The following AHNAK2 variants were observed in gnomAD, a reference collection of about 807,000 sequenced individuals.
AHNAK2 encodes AHNAK nucleoprotein 2, also known as protein AHNAK2.
A neutral mutation model predicts 30.7 loss-of-function variants in AHNAK2; 18 were observed. The ratio of observed to expected loss-of-function variants is 0.59; its 90% CI spans 0.41 to 0.87. AHNAK2 has a LOEUF of 0.87. Among genes scored for constraint, AHNAK2 ranks in the 40% least tolerant of loss-of-function variants. The pLI is 0.00. For synonymous variants in AHNAK2, 3,590 were observed against 3,073.8 expected (o/e 1.17, Z -5.56); for missense variants, 8,604 against 7,373.0 (o/e 1.17, Z -6.11).
At position 104,954,437 on chromosome 14, in the gene AHNAK2, C is replaced by A; in HGVS notation, c.1014G>T (p.Ser338=). Residue 338 remains serine, a synonymous_variant, in exon 7 of 7, where the codon TCG becomes TCT. Transcript: ENST00000333244. This position sits in a 1 kb window ranked among gnomAD's most constrained non-coding sequence, Gnocchi z 4.3. Reference sequence around the variant, plus strand: ...GGAACCCCCTGCCTGGCTGTCCTGTCGATGAAGGGCCCTGTCCCGAGCCTG... The same window carrying A: ...GGAACCCCCTGCCTGGCTGTCCTGTAGATGAAGGGCCCTGTCCCGAGCCTG... ...FRTGSGQGPS[S]TGQPGRGFQS... is the part of the protein sequence containing the mutation. 3 of 1,612,548 alleles carry A rather than the reference C, an allele frequency of 1.9e-6. No homozygotes were observed. The highest frequency in any genetic ancestry group is 2.5e-6 in the Non-Finnish European group (3 of 1,179,488).
intron 5 of AHNAK2, 97 bp from the exon 6 acceptor site, chr14:104,955,238 T>C: frequency 7.1e-7 from 1 of 1,415,776 alleles, no homozygotes; most frequent in Non-Finnish European, 9.5e-7. Flanking sequence ...GGGACATGAA[T>C]AGGGGGAATC....
At chr14:104,973,278 G>A (rs551486614) in intron 1 of AHNAK2, among the ~76,000 whole-genome samples, 7 of 152,338 alleles carry the variant, frequency 4.6e-5, no homozygotes, top group South Asian at 2.1e-4. Context: ...GCTAGGAGTC[G>A]CCATGGGAAC....
In AHNAK2 at chr14:104,964,319, G is replaced by T. The variant is rs115530451; in HGVS notation, c.56-6647C>A. Among the ~76,000 whole-genome samples, 651 of 152,256 alleles carry T rather than the reference G, an allele frequency of 4.3e-3. 10 individuals are homozygous for T. Among genetic ancestry groups the T allele is most frequent in the African/African-American group, 0.015 (630 of 41,560 alleles). On this transcript the variant is annotated intron_variant, in intron 1 of 6. Coordinates refer to ENST00000333244, the MANE Select transcript of AHNAK2 (RefSeq NM_138420.4). ...ATGCTCCCAGGAGAATGGCTGAAAT[G>T]GAAAAGTCGAGGCAGACCACCTGGA...
In AHNAK2 at chr14:104,956,648, T is replaced by A. The variant is rs1251387645; in HGVS notation, c.255A>T (p.Arg85Ser). The stretch of plus-strand genomic sequence containing the variant: ...CCCCTGAATCTCGCTTCCACCAGGA[T>A]CTCCGTCTCCCAGCAGAACCTTGCC... ...PGRQGSAGRRRSWWKRDSGDS... is the reference protein window; with the variant it reads ...PGRQGSAGRRSSWWKRDSGDS... Residue 85 changes from arginine (R) to serine (S), a missense_variant, in exon 4 of 7, where the codon AGA becomes AGT. Physicochemically the swap from Arg to Ser is moderately radical, Grantham distance 110. Transcript: ENST00000333244. 9 of 1,613,846 alleles carry A rather than the reference T, an allele frequency of 5.6e-6. No homozygotes were observed. The highest frequency in any genetic ancestry group is 1.3e-5 in the African/African-American group (1 of 75,046).
In AHNAK2 at chr14:104,938,890, A is replaced by G. The variant is rs1161407049; in HGVS notation, c.16561T>C (p.Leu5521=). 1.2e-6 allele frequency: 2 copies of G among 1,613,622 alleles called. No homozygotes were observed. The highest frequency in any genetic ancestry group is 1.7e-6 in the Non-Finnish European group (2 of 1,179,876). ...IQTPSYGFSL[L]KVKIPEPHTQ... is the part of the protein sequence containing the mutation. ...TGGGGCTCTGGGATTTTCACTTTTA[A>G]TAAGGAAAATCCGTACGAAGGTGTT... Residue 5521 remains leucine (L), a synonymous_variant, in exon 7 of 7, where the codon TTA becomes CTA. Coordinates refer to ENST00000333244, the MANE Select transcript of AHNAK2 (RefSeq NM_138420.4).
intron 1 of AHNAK2, among the ~76,000 whole-genome samples, chr14:104,962,066 A>G (rs1899163064): frequency 6.6e-6 from 1 of 152,236 alleles, no homozygotes; most frequent in African/African-American, 2.4e-5. Flanking sequence ...ATCCACAATT[A>G]TTATACAATA....
Position 104,951,911 on chromosome 14 carries a change from C to T in AHNAK2, c.3540G>A (p.Lys1180=). ...MPSFGASAPG[K]SIEASVDVSA... ...ACACATCCACCGAGGCCTCGATGGA[C>T]TTGCCTGGGGCTGACGCCCCGAACG... Residue 1180 remains lysine, a synonymous_variant, in exon 7 of 7, where the codon AAG becomes AAA. Transcript: ENST00000333244. The T allele has an allele frequency of 6.2e-7, 1 of 1,610,274 alleles. No homozygotes were observed. Among genetic ancestry groups the T allele is most frequent in the South Asian group, 1.1e-5 (1 of 90,684 alleles).
rs1469720781 is a variant in AHNAK2, at chr14:104,937,895, G to A, written c.*168C>T. The A allele has an allele frequency of 1.5e-6, 1 of 668,656 alleles. No homozygotes were observed. The highest frequency in any genetic ancestry group is 2.3e-6 in the Non-Finnish European group (1 of 432,652). 41.4% of individuals were successfully genotyped at this position (668,656 alleles called of 1,614,324 possible). A position where few individuals can be genotyped will look rare whatever the true frequency, so the allele number is the denominator to read the frequency against. On this transcript the variant is annotated 3_prime_UTR_variant, in exon 7 of 7. Transcript: ENST00000333244. ...GGAAGCTTTGGTTCCATTTTAGGAG[G>A]GCTGTGTGATGGTGACAAAGGTGTT...
rs1389801706 is a variant in AHNAK2 at position 104,952,110 on chromosome 14, T to A, written c.3341A>T (p.Lys1114Met). 2 of 1,612,542 alleles carry A rather than the reference T, an allele frequency of 1.2e-6. No individual in the cohort carries two copies. Among genetic ancestry groups the A allele is most frequent in the East Asian group, 2.2e-5 (1 of 44,818 alleles). Reference protein sequence around the residue: ...KGPKLDLKSPKAEVTAPDVEV... With the variant: ...KGPKLDLKSPMAEVTAPDVEV... ...CACATCAGGGGCTGTGACTTCCGCC[T>A]TGGGGCTTTTCAGGTCCAGCTTGGG... Residue 1114 changes from lysine to methionine, a missense_variant, in exon 7 of 7, where the codon AAG becomes ATG. Lys to Met is a moderately conservative substitution (Grantham distance 95). Transcript: ENST00000333244.
At position 104,938,796 on chromosome 14, in the gene AHNAK2, G is replaced by C. The variant is rs1566894388; in HGVS notation, c.16655C>G (p.Pro5552Arg). ...SRTQEGTEEA[P>R]IQATPGVDSI... ...GTCTACTCCTGGGGTGGCTTGTATGGGAGCCTCTTCTGTGCCCTCCTGAGT... is the reference window on the plus strand; with the variant it reads ...GTCTACTCCTGGGGTGGCTTGTATGCGAGCCTCTTCTGTGCCCTCCTGAGT... Residue 5552 changes from proline (P) to arginine (R), a missense_variant, in exon 7 of 7, where the codon CCC becomes CGC. By Grantham distance (103) the Pro-to-Arg change is moderately radical. Coordinates refer to ENST00000333244, the MANE Select transcript of AHNAK2 (RefSeq NM_138420.4). 6.2e-7 allele frequency: 1 copy of C among 1,613,938 alleles called. No individual in the cohort carries two copies. Among genetic ancestry groups the C allele is most frequent in the Middle Eastern group, 1.7e-4 (1 of 6,060 alleles).
rs144545959 is a variant in AHNAK2 at position 104,945,005 on chromosome 14, G to C, written c.10446C>G (p.Ser3482=). 4.0e-4 allele frequency: 647 copies of C among 1,609,718 alleles called. 2 individuals are homozygous for C. Among genetic ancestry groups the C allele is most frequent in the East Asian group, 3.7e-3 (163 of 44,430 alleles). ...KFKMPKFKMP[S]FGVSAPGRSI... ...ACCTGCCTGGGGCCGACACCCCGAA[G>C]GAGGGCATCTTGAACTTGGGCATTT... Residue 3482 remains serine (S), a synonymous_variant, in exon 7 of 7, where the codon TCC becomes TCG. Coordinates refer to ENST00000333244, the MANE Select transcript of AHNAK2 (RefSeq NM_138420.4).
chr14:104,958,256 C>T (rs1899038059), intron 1 of AHNAK2, among the ~76,000 whole-genome samples: 1 of 152,110 alleles, frequency 6.6e-6, no homozygotes, highest in African/African-American at 2.4e-5. Context: ...CGAGACCAGC[C>T]TCACCAACAT....
rs1004217130 is a variant in AHNAK2, at chr14:104,978,276, G to A, written c.-39C>T. On this transcript the variant is annotated 5_prime_UTR_variant, in exon 1 of 7. The change creates a new upstream start codon in the 5' untranslated region. Coordinates refer to ENST00000333244, the MANE Select transcript of AHNAK2 (RefSeq NM_138420.4). ...CGGTGCGGGCCTGGCGGCCCGTCGC[G>A]TCCAGTCGCTGGTCCCGGCTCCGGC... 5.3e-6 allele frequency: 6 copies of A among 1,127,946 alleles called. No homozygotes were observed. In the African/African-American group the frequency reaches 9.9e-5, roughly 19 times the overall value. 69.9% of individuals were successfully genotyped at this position (1,127,946 alleles called of 1,614,324 possible).
At position 104,940,002 on chromosome 14, in the gene AHNAK2, C is replaced by G. The variant is rs566086148; in HGVS notation, c.15449G>C (p.Gly5150Ala). ...DVPVSQPCGEGIAPTPEDPLQ... is the reference protein window; with the variant it reads ...DVPVSQPCGEAIAPTPEDPLQ... The stretch of plus-strand genomic sequence containing the variant: ...GGGATCTTCAGGTGTGGGGGCTATC[C>G]CCTCCCCACAAGGCTGGCTCACTGG... The change falls in exon 7 of 7, where the codon GGG (glycine) becomes GCG (alanine). Residue 5150 changes from glycine to alanine, a missense_variant. By Grantham distance (60) the Gly-to-Ala change is moderately conservative (BLOSUM62 0). Coordinates refer to ENST00000333244, the MANE Select transcript of AHNAK2 (RefSeq NM_138420.4). The surrounding 1 kb of genome is among the most constrained non-coding windows in gnomAD (Gnocchi z 4.4). The G allele has an allele frequency of 2.4e-5, 39 of 1,612,630 alleles. No homozygotes were observed. The East Asian group carries it at 8.2e-4, about 34-fold the overall frequency.
chr14:104,942,434 C>A lies in AHNAK2; in HGVS notation c.13017G>T (p.Gly4339=), dbSNP rs768885977. The change falls in exon 7 of 7, where the codon GGG becomes GGT. Residue 4339 remains glycine, a synonymous_variant. Transcript: ENST00000333244. ...EADVSLPSMQ[G]DLKTTHLSIQ... The stretch of plus-strand genomic sequence containing the variant: ...TGCTGAGGTGAGTGGTCTTCAGGTC[C>A]CCCTGCATGGAGGGGAGGCTCACGT... 18 of 1,612,928 alleles carry A rather than the reference C, an allele frequency of 1.1e-5. No homozygotes were observed. The Admixed American group carries it at 1.5e-4, about 13-fold the overall frequency.
At position 104,950,053 on chromosome 14, in the gene AHNAK2, G is replaced by A. The variant is rs777152578; in HGVS notation, c.5398C>T (p.Leu1800=). ...TCACCCTCCAGCCGCACACTGTCCA[G>A]CTTGGCTCCTGGAGCCTCGACGTCC... is the stretch of plus-strand genomic sequence containing the variant. ...EVDVEAPGAK[L]DSVRLEGDLS... is the part of the protein sequence containing the mutation. The change falls in exon 7 of 7, where the codon CTG becomes TTG. Residue 1800 remains leucine, a synonymous_variant. Transcript: ENST00000333244. The A allele has an allele frequency of 1.0e-5, 16 of 1,586,546 alleles. 3 individuals are homozygous for A. The highest frequency in any genetic ancestry group is 3.3e-5 in the South Asian group (3 of 89,998).
rs1595424035 is a variant in AHNAK2 at position 104,955,283 on chromosome 14, G to T, written c.467-142C>A. On this transcript the variant is annotated intron_variant, in intron 5 of 6. Coordinates refer to ENST00000333244, the MANE Select transcript of AHNAK2 (RefSeq NM_138420.4). ...CTGCCCCACCAGTCCCCCACTGAGTGCCTCAGGCACAGGCAAGGTGGATGG... is the reference window on the plus strand; with the variant it reads ...CTGCCCCACCAGTCCCCCACTGAGTTCCTCAGGCACAGGCAAGGTGGATGG... 1.5e-5 allele frequency: 19 copies of T among 1,275,914 alleles called. No individual in the cohort carries two copies. The East Asian group carries it at 3.8e-4, about 26-fold the overall frequency. 79.0% of individuals were successfully genotyped at this position (1,275,914 alleles called of 1,614,324 possible).
At position 104,955,467 on chromosome 14, in the gene AHNAK2, G is replaced by A; in HGVS notation, c.466+16C>T. ...TGGGGAGAATGGTGACCCCAGGGAT[G>A]GAACTGCCATGGCACCTTCTCTCAA... is the stretch of plus-strand genomic sequence containing the variant. On this transcript the variant is annotated intron_variant, in intron 5 of 6. Transcript: ENST00000333244. The A allele has an allele frequency of 1.2e-6, 2 of 1,608,224 alleles. No homozygotes were observed. Among genetic ancestry groups the A allele is most frequent in the African/African-American group, 1.3e-5 (1 of 75,004 alleles).
Position 104,953,581 on chromosome 14 carries a change from T to C in AHNAK2, c.1870A>G (p.Arg624Gly). The stretch of plus-strand genomic sequence containing the variant: ...CCTTCCTCTGTGCGTCTCTGTTCTC[T>C]TCTATCAGCTGTTGCTGTGGCCTCT... Reference protein sequence around the residue: ...EGEATATADRREQRRTEEGLK... With the variant: ...EGEATATADRGEQRRTEEGLK... The change falls in exon 7 of 7, where the codon AGA becomes GGA. Residue 624 changes from arginine to glycine, a missense_variant. Transcript: ENST00000333244. 6.2e-7 allele frequency: 1 copy of C among 1,614,064 alleles called. No individual in the cohort carries two copies. Among genetic ancestry groups the C allele is most frequent in the Non-Finnish European group, 8.5e-7 (1 of 1,179,906 alleles).
Sources: gnomAD v4.1 joint callset for allele counts (sites outside exome capture counted in the v4.1 genomes callset) on GRCh38, gnomAD v4.1.1 for gene constraint, Gnocchi (gnomAD v3.1) non-coding constraint, MANE v1.5 for transcripts, NCBI Gene and HGNC (gene_info 2026-07-23, HGNC 2026-07-21) for gene names.